The following THSD7A variants were observed in gnomAD, a reference collection of about 807,000 sequenced individuals.
THSD7A encodes thrombospondin type-1 domain-containing protein 7A.
Under a neutral mutation model 231.3 loss-of-function variants are expected in THSD7A, and 96 were observed. That is an observed-to-expected ratio of 0.41 (90% CI 0.35 to 0.49). The LOEUF (loss-of-function observed/expected upper bound fraction) is 0.49. Ranked by LOEUF, THSD7A falls within the 20% of genes least tolerant of loss-of-function variation. THSD7A has a pLI of 0.05. For synonymous variants in THSD7A, 940 were observed against 743.3 expected, an observed-to-expected ratio of 1.26 and a Z score of -4.30; for missense variants, 2,290 against 2,070.2, an observed-to-expected ratio of 1.11 and a Z score of -2.06.
intron 2 of THSD7A, among the ~76,000 whole-genome samples, chr7:11,610,160 C>T (rs1780874306): frequency 6.6e-6 from 1 of 152,028 alleles, no homozygotes; most frequent in Admixed American, 6.6e-5. Flanking sequence ...TGGAAGCCAC[C>T]TAAAACTGTG....
intron 1 of THSD7A, among the ~76,000 whole-genome samples, chr7:11,737,642 TTG>T (rs1781963205): frequency 6.6e-6 from 1 of 152,000 alleles, no homozygotes; most frequent in Non-Finnish European, 1.5e-5. Flanking sequence ...GGCCATAACT[TTG>T]TGTCATATTT....
intron 6 of THSD7A, among the ~76,000 whole-genome samples, chr7:11,492,782 C>A (rs1786951765): frequency 6.6e-6 from 1 of 151,990 alleles, no homozygotes; most frequent in Non-Finnish European, 1.5e-5. Context: ...CACCATTAAA[C>A]TTTTCCAAAA....
chr7:11,827,907 C>T (rs1785077648), intron 1 of THSD7A, among the ~76,000 whole-genome samples: 1 of 152,092 alleles, frequency 6.6e-6, no homozygotes, highest in African/African-American at 2.4e-5. Context: ...TGATGAAAAC[C>T]TTGATGGCAT....
chr7:11,738,768 T>C (rs1455446723), intron 1 of THSD7A, among the ~76,000 whole-genome samples: 1 of 152,004 alleles, frequency 6.6e-6, no homozygotes, highest in Non-Finnish European at 1.5e-5. Flanking sequence ...AAACAAGGTA[T>C]GTAGGTGGCC....
chr7:11,808,093 C>T (rs1784442685), intron 1 of THSD7A, among the ~76,000 whole-genome samples: 1 of 152,034 alleles, frequency 6.6e-6, no homozygotes, highest in Admixed American at 6.6e-5. Context: ...AAGTCTCCTC[C>T]ATCCTAAGCT....
chr7:11,473,046 T>C (rs1426568716), intron 8 of THSD7A, among the ~76,000 whole-genome samples: 2 of 152,166 alleles, frequency 1.3e-5, no homozygotes, highest in Non-Finnish European at 2.9e-5. Flanking sequence ...TCTATTAAAA[T>C]ATTGGTTTGA....
chr7:11,399,221 A>AGTT (rs1411730671), intron 23 of THSD7A, among the ~76,000 whole-genome samples: 3 of 152,216 alleles, frequency 2.0e-5, no homozygotes, highest in African/African-American at 7.2e-5. Context: ...GTTTGAAAAT[A>AGTT]GTTATATAAT....
chr7:11,720,349 C>T (rs536822539), intron 1 of THSD7A, among the ~76,000 whole-genome samples: 1 of 151,902 alleles, frequency 6.6e-6, no homozygotes, highest in African/African-American at 2.4e-5. Flanking sequence ...CTACTTTCTA[C>T]AATGTACATT....
At chr7:11,387,102 T>C (rs1360276366) in intron 23 of THSD7A, among the ~76,000 whole-genome samples, 1 of 152,198 alleles carries the variant, frequency 6.6e-6, no homozygotes, top group African/African-American at 2.4e-5. Flanking sequence ...CATGCTGTTT[T>C]GGTTACTGTA....
At chr7:11,507,478 G>A (rs765561513) in intron 6 of THSD7A, among the ~76,000 whole-genome samples, 3 of 151,920 alleles carry the variant, frequency 2.0e-5, no homozygotes, top group Admixed American at 2.0e-4. Context: ...TATTCTTCAA[G>A]TGTTTATACT....
At chr7:11,756,818 G>A (rs1462401023) in intron 1 of THSD7A, among the ~76,000 whole-genome samples, 6 of 152,062 alleles carry the variant, frequency 3.9e-5, no homozygotes, top group African/African-American at 1.2e-4. Context: ...GTAGGCAACA[G>A]CAAGTGAGAA....
chr7:11,786,774 A>G (rs868831102), intron 1 of THSD7A, among the ~76,000 whole-genome samples: 1 of 149,124 alleles, frequency 6.7e-6, no homozygotes, highest in South Asian at 2.1e-4. Flanking sequence ...AAAAAAAAAA[A>G]AAAAAAGAAA....
At chr7:11,388,992 T>C (rs1382414828) in intron 23 of THSD7A, among the ~76,000 whole-genome samples, 1 of 152,214 alleles carries the variant, frequency 6.6e-6, no homozygotes, top group Non-Finnish European at 1.5e-5. Context: ...TTCTGTTCTT[T>C]TGCATTTGCT....
chr7:11,640,589 T>C (rs1017343918), intron 1 of THSD7A, among the ~76,000 whole-genome samples: 1 of 152,300 alleles, frequency 6.6e-6, no homozygotes, highest in Middle Eastern at 3.4e-3. Context: ...ATATGCACGA[T>C]GTTTTTCTGA....
At chr7:11,669,109 G>C (rs936408980) in intron 1 of THSD7A, among the ~76,000 whole-genome samples, 2 of 152,048 alleles carry the variant, frequency 1.3e-5, no homozygotes, top group South Asian at 4.1e-4. Flanking sequence ...GAGGGTCTCT[G>C]CTATAGAAAT....
intron 11 of THSD7A, 65 bp from the exon 12 acceptor site, chr7:11,447,489 C>T: frequency 7.4e-7 from 1 of 1,352,582 alleles, no homozygotes; most frequent in Non-Finnish European, 9.8e-7. Flanking sequence ...AATTTAGAAG[C>T]TAACCTAACA....
intron 4 of THSD7A, among the ~76,000 whole-genome samples, chr7:11,544,068 G>A (rs975586849): frequency 2.0e-5 from 3 of 152,098 alleles, no homozygotes; most frequent in Admixed American, 2.0e-4. Context: ...ACATGGCCAG[G>A]CACGGTGGTT....
chr7:11,718,870 T>G (rs572021021), intron 1 of THSD7A, among the ~76,000 whole-genome samples: 1 of 151,784 alleles, frequency 6.6e-6, no homozygotes, highest in Non-Finnish European at 1.5e-5. Flanking sequence ...TACAGTATTT[T>G]TCTTTCCCAA....
chr7:11,582,938 C>A (rs1345643930), intron 4 of THSD7A, among the ~76,000 whole-genome samples: 1 of 151,252 alleles, frequency 6.6e-6, no homozygotes, highest in Non-Finnish European at 1.5e-5. Context: ...TTTTTTTTTA[C>A]CACTTCTGGA....
Sources: allele counts gnomAD v4.1 joint callset (sites outside exome capture counted in the v4.1 genomes callset), GRCh38; gene constraint gnomAD v4.1.1; transcripts MANE v1.5; gene names NCBI Gene and HGNC (gene_info 2026-07-23, HGNC 2026-07-21).